LRRC37A2: variants seen among roughly 807,000 people sequenced by gnomAD.
LRRC37A2 encodes the protein leucine-rich repeat-containing protein 37A2.
A neutral mutation model predicts 68.8 loss-of-function variants in LRRC37A2; 9 were observed. That is an observed-to-expected ratio of 0.13 (90% CI 0.08 to 0.23). The LOEUF is 0.23. Among genes scored for constraint, LRRC37A2 ranks in the 10% least tolerant of loss-of-function variants. The pLI is 1.00. For missense variants in LRRC37A2, 168 were observed against 950.4 expected, an observed-to-expected ratio of 0.18 and a Z score of 10.82; for synonymous variants, 63 against 367.6, an observed-to-expected ratio of 0.17 and a Z score of 9.48.
the LRRC37A2 span, among the ~76,000 whole-genome samples, chr17:46,949,811 G>A: frequency 4.6e-5 from 7 of 152,274 alleles, no homozygotes; most frequent in East Asian, 7.7e-4. Context: ...CTAGCAAAGG[G>A]GTGTGCTCTG....
chr17:46,858,823 C>T, the LRRC37A2 span, among the ~76,000 whole-genome samples: 2 of 151,932 alleles, frequency 1.3e-5, no homozygotes, highest in Admixed American at 6.6e-5. Flanking sequence ...TGCGCCATCA[C>T]GCCCAGCTAA....
chr17:47,001,402 TGG>T, the LRRC37A2 span, among the ~76,000 whole-genome samples: 138,731 of 152,082 alleles, frequency 0.91, 63,769 homozygotes, highest in East Asian at 0.99. Flanking sequence ...TACCAGATGC[TGG>T]GGGGTTCTCA....
At chr17:46,732,556 G>A in the LRRC37A2 span, among the ~76,000 whole-genome samples, 3 of 152,128 alleles carry the variant, frequency 2.0e-5, no homozygotes, top group East Asian at 1.9e-4. Context: ...CTGGTATTCA[G>A]TGGATTTGCT....
At chr17:46,770,834 C>T in the LRRC37A2 span, among the ~76,000 whole-genome samples, 9 of 152,260 alleles carry the variant, frequency 5.9e-5, no homozygotes, top group African/African-American at 2.2e-4. Context: ...GCATGTGCTT[C>T]ATTCACATGG....
At chr17:46,839,763 G>A in the LRRC37A2 span, among the ~76,000 whole-genome samples, 1 of 151,758 alleles carries the variant, frequency 6.6e-6, no homozygotes, top group Non-Finnish European at 1.5e-5. Context: ...TCCCACCTAT[G>A]AGAACATGCA....
Position 46,542,593 on chromosome 17 carries a change from C to A in LRRC37A2, c.3053+1712C>A, listed in dbSNP as rs1030817027. The stretch of plus-strand genomic sequence containing the variant: ...GCCTGTAGTCCCAGCTACTAGGGAA[C>A]CTGAGTCAGGAGGATCACTTGAACC... On this transcript the variant is annotated intron_variant, in intron 8 of 14. Coordinates refer to ENST00000576629, the Ensembl canonical transcript of LRRC37A2. Among the ~76,000 whole-genome samples, 86 of 149,850 alleles carry A rather than the reference C, an allele frequency of 5.7e-4. 8 individuals carry two copies. The highest frequency in any genetic ancestry group is 2.1e-3 in the African/African-American group (82 of 39,428).
the LRRC37A2 span, among the ~76,000 whole-genome samples, chr17:46,490,409 C>T: frequency 6.6e-6 from 1 of 151,082 alleles, no homozygotes; most frequent in Non-Finnish European, 1.5e-5. Flanking sequence ...ATAAATAATG[C>T]TTCTGGAAAT....
At chr17:47,027,461 A>G in the LRRC37A2 span, 2 of 664,190 alleles carry the variant, frequency 3.0e-6, no homozygotes, top group South Asian at 1.6e-5. Flanking sequence ...GAGATAAAAA[A>G]TGTGTATCCA....
the LRRC37A2 span, among the ~76,000 whole-genome samples, chr17:47,023,422 C>T: frequency 1.3e-5 from 2 of 152,168 alleles, no homozygotes; most frequent in Non-Finnish European, 2.9e-5. Flanking sequence ...CACGGTGGCT[C>T]ACGCCTTTAA....
At chr17:46,936,391 C>G in the LRRC37A2 span, 1 of 985,232 alleles carries the variant, frequency 1.0e-6, no homozygotes, top group African/African-American at 1.7e-5. Context: ...ATCAGCACAC[C>G]TCTTGCCACC....
the LRRC37A2 span, among the ~76,000 whole-genome samples, chr17:47,013,155 A>T: frequency 6.6e-6 from 1 of 152,226 alleles, no homozygotes; most frequent in South Asian, 2.1e-4. Flanking sequence ...AGAGTAGGCA[A>T]ATCCATAGAG....
chr17:46,961,413 T>C, the LRRC37A2 span, among the ~76,000 whole-genome samples: 46 of 152,270 alleles, frequency 3.0e-4, no homozygotes, highest in Admixed American at 2.6e-3. Context: ...TGTGCATCTA[T>C]CGTCCCAGCT....
At chr17:46,923,402 G>A in the LRRC37A2 span, 3 of 1,454,418 alleles carry the variant, frequency 2.1e-6, no homozygotes, top group African/African-American at 1.4e-5. Context: ...GCCACAGACA[G>A]TGGGTTCAGG....
At chr17:46,820,113 G>A in the LRRC37A2 span, among the ~76,000 whole-genome samples, 4 of 152,238 alleles carry the variant, frequency 2.6e-5, no homozygotes, top group East Asian at 7.7e-4. Flanking sequence ...ACGCCAGGGG[G>A]CCAGACATTC....
chr17:46,978,490 C>CCCCCGCCGACAGTCTCGCCGCGT, the LRRC37A2 span: 11 of 848,316 alleles, frequency 1.3e-5, no homozygotes, highest in Non-Finnish European at 1.6e-5. Context: ...CCTTCCCGCG[C>CCCCCGCCGACAGTCTCGCCGCGT]CCCCGCCGAC....
the LRRC37A2 span, among the ~76,000 whole-genome samples, chr17:46,770,681 C>G: frequency 6.6e-6 from 1 of 152,220 alleles, no homozygotes; most frequent in African/African-American, 2.4e-5. Context: ...ATTCTCCTGC[C>G]CTCACGCCCA....
the LRRC37A2 span, chr17:46,930,931 C>T: frequency 8.0e-6 from 5 of 621,242 alleles, no homozygotes; most frequent in Non-Finnish European, 8.7e-6. Flanking sequence ...ACAACATTTA[C>T]GGCCTAACTT....
the LRRC37A2 span, chr17:47,007,957 TCAGA>T: frequency 2.0e-5 from 3 of 152,166 alleles, no homozygotes; most frequent in African/African-American, 7.2e-5. Flanking sequence ...TGTCTAGCCC[TCAGA>T]CAAACAGTGA....
the LRRC37A2 span, chr17:46,979,251 T>A: frequency 1.8e-3 from 676 of 367,142 alleles, 3 homozygotes; most frequent in African/African-American, 0.013. Flanking sequence ...GAGAACCTAG[T>A]GTGCTTAGCG....
Sources: gnomAD v4.1 joint callset for allele counts (sites outside exome capture counted in the v4.1 genomes callset) on GRCh38, gnomAD v4.1.1 for gene constraint, MANE v1.5 for transcripts, NCBI Gene and HGNC (gene_info 2026-07-23, HGNC 2026-07-21) for gene names.